KCNJ6: variants seen among roughly 807,000 people sequenced by gnomAD.
The protein encoded by KCNJ6 is G protein-activated inward rectifier potassium channel 2.
KCNJ6 carries 9 observed loss-of-function variants against 34.2 expected under a neutral mutation model. That is an observed-to-expected ratio of 0.26 (90% CI 0.16 to 0.46). The LOEUF (loss-of-function observed/expected upper bound fraction) is 0.46, where lower values mean the gene tolerates loss of function less well. KCNJ6 is among the 20% of genes least tolerant of loss of function. The pLI, the probability that KCNJ6 is intolerant of heterozygous loss-of-function variation, is 1.00. For synonymous variants in KCNJ6, 196 were observed against 207.1 expected (o/e 0.95, Z 0.46); for missense variants, 236 against 531.3 (o/e 0.44, Z 5.46).
At chr21:37,747,897 C>G (rs1052826122) in intron 2 of KCNJ6, among the ~76,000 whole-genome samples, 1 of 152,166 alleles carries the variant, frequency 6.6e-6, no homozygotes, top group African/African-American at 2.4e-5. Context: ...CCAAGTTTAT[C>G]GTAGTTTGTT....
At chr21:37,881,470 G>GGAGAGAGA (rs10550872) in intron 1 of KCNJ6, among the ~76,000 whole-genome samples, 1 of 149,110 alleles carries the variant, frequency 6.7e-6, no homozygotes, top group African/African-American at 2.5e-5. Context: ...CTCTCTGCAT[G>GGAGAGAGA]GAGAGAGAGA....
At chr21:37,678,827 G>T (rs972276733) in intron 3 of KCNJ6, among the ~76,000 whole-genome samples, 15 of 152,114 alleles carry the variant, frequency 9.9e-5, no homozygotes, top group African/African-American at 3.6e-4. Context: ...AGTCTGAGGG[G>T]GCCAAATCCC....
chr21:37,794,996 T>C (rs921695820), intron 2 of KCNJ6, among the ~76,000 whole-genome samples: 2 of 152,160 alleles, frequency 1.3e-5, no homozygotes, highest in African/African-American at 2.4e-5. Flanking sequence ...GTAAAGATCA[T>C]GTAAAACTCC....
intron 1 of KCNJ6, among the ~76,000 whole-genome samples, chr21:37,856,717 T>C (rs2055566981): frequency 1.3e-5 from 2 of 152,194 alleles, no homozygotes; most frequent in Admixed American, 6.5e-5. Context: ...TATATTATTC[T>C]TGTGGCTTTT....
At chr21:37,789,827 C>A (rs1293358249) in intron 2 of KCNJ6, among the ~76,000 whole-genome samples, 1 of 152,158 alleles carries the variant, frequency 6.6e-6, no homozygotes, top group Admixed American at 6.5e-5. Context: ...ATATAATTCT[C>A]CTCTAGGTGA....
At chr21:37,681,589 G>C (rs1012497854) in intron 3 of KCNJ6, among the ~76,000 whole-genome samples, 4 of 152,202 alleles carry the variant, frequency 2.6e-5, no homozygotes, top group Admixed American at 2.6e-4. Flanking sequence ...ACTCGGATCT[G>C]TCTTGAGGGA....
intron 1 of KCNJ6, among the ~76,000 whole-genome samples, chr21:37,862,399 G>A (rs532526011): frequency 1.3e-5 from 2 of 152,358 alleles, no homozygotes; most frequent in East Asian, 3.9e-4. Context: ...ATGCATGCAT[G>A]TATACACATT....
At chr21:37,647,806 C>T (rs1451943820) in intron 3 of KCNJ6, among the ~76,000 whole-genome samples, 5 of 152,322 alleles carry the variant, frequency 3.3e-5, no homozygotes, top group African/African-American at 1.2e-4. Context: ...ACACCTCTGC[C>T]CCCCAATGAC....
intron 1 of KCNJ6, among the ~76,000 whole-genome samples, chr21:37,881,900 C>T (rs2055710475): frequency 1.3e-5 from 2 of 152,108 alleles, no homozygotes; most frequent in Non-Finnish European, 1.5e-5. Context: ...TTCAGGTGGA[C>T]AGTAAATAGG....
intron 3 of KCNJ6, among the ~76,000 whole-genome samples, chr21:37,681,640 T>C (rs2054591076): frequency 6.6e-6 from 1 of 152,252 alleles, no homozygotes; most frequent in Non-Finnish European, 1.5e-5. Context: ...AGATTCTTCA[T>C]AACTTTTCTT....
At chr21:37,819,798 A>AGTT in intron 2 of KCNJ6, among the ~76,000 whole-genome samples, 1 of 54,350 alleles carries the variant, frequency 1.8e-5, no homozygotes, top group South Asian at 1.1e-3. Flanking sequence ...TGTTAAATAC[A>AGTT]CTTTTTTTTT....
rs916266559 is a variant in KCNJ6, at chr21:37,853,844, A to ATG, written c.-27-13137_-27-13136dup. On this transcript the variant is annotated intron_variant, in intron 1 of 3. Transcript: ENST00000609713. ...CAGTAGTTAAGAGATACATATATAT[A>ATG]TGTATATATATATATATAAATTACA... Among the ~76,000 whole-genome samples, 211 of 109,216 alleles carry ATG rather than the reference A, an allele frequency of 1.9e-3. 1 individual carries two copies. Among genetic ancestry groups the ATG allele is most frequent in the East Asian group, 7.6e-3 (30 of 3,932 alleles). 71.6% of individuals were successfully genotyped at this position (109,216 alleles called of 152,430 possible).
chr21:37,750,131 C>T (rs1032895423), intron 2 of KCNJ6, among the ~76,000 whole-genome samples: 1 of 152,134 alleles, frequency 6.6e-6, no homozygotes, highest in Non-Finnish European at 1.5e-5. Flanking sequence ...TGAAAAAAAG[C>T]TCATCATCAC....
rs1157150072 is a variant in KCNJ6, at chr21:37,619,896, G to A, written c.*5263C>T. 2.0e-5 allele frequency: 3 copies of A among 152,152 alleles called. No individual in the cohort carries two copies. The highest frequency in any genetic ancestry group is 7.2e-5 in the African/African-American group (3 of 41,438). The allele number at this position is 152,152 out of a possible 1,614,324, so 9.4% of individuals were successfully genotyped here. The stretch of plus-strand genomic sequence containing the variant: ...ACTGTATCCACTTTCTGAGTTGACC[G>A]CTAGATCCTGGCTGGCTGTTGACTC... On this transcript the variant is annotated 3_prime_UTR_variant, in exon 4 of 4. Transcript: ENST00000609713.
intron 2 of KCNJ6, among the ~76,000 whole-genome samples, chr21:37,763,236 T>A (rs1280674615): frequency 6.6e-6 from 1 of 152,150 alleles, no homozygotes; most frequent in African/African-American, 2.4e-5. Context: ...GATGGCAGCC[T>A]GCTTGTAGGG....
At chr21:37,778,689 CTGTGTGCGTGTG>C (rs2055154267) in intron 2 of KCNJ6, among the ~76,000 whole-genome samples, 1 of 130,738 alleles carries the variant, frequency 7.6e-6, no homozygotes, top group African/African-American at 3.0e-5. Context: ...TATCCGTGTG[CTGTGTGCGTGTG>C]TGTGTGTGTG....
chr21:37,682,346 T>G (rs1301085425), intron 3 of KCNJ6, among the ~76,000 whole-genome samples: 9 of 152,334 alleles, frequency 5.9e-5, no homozygotes, highest in African/African-American at 1.9e-4. Context: ...GCAAGCTGAC[T>G]GCCCAGCCGA....
chr21:37,656,491 C>T (rs1260166476), intron 3 of KCNJ6, among the ~76,000 whole-genome samples: 2 of 152,168 alleles, frequency 1.3e-5, no homozygotes, highest in Admixed American at 1.3e-4. Flanking sequence ...GGCCCCCCAC[C>T]CAGGCTCACA....
intron 1 of KCNJ6, among the ~76,000 whole-genome samples, chr21:37,891,294 C>T (rs1364619844): frequency 6.6e-6 from 1 of 151,450 alleles, no homozygotes. Context: ...TACAGACACA[C>T]ATAAACATGC....
Sources: gnomAD v4.1 joint callset for allele counts (sites outside exome capture counted in the v4.1 genomes callset) on GRCh38, gnomAD v4.1.1 for gene constraint, MANE v1.5 for transcripts, NCBI Gene and HGNC (gene_info 2026-07-23, HGNC 2026-07-21) for gene names.